DYNC1H1: variants seen among roughly 807,000 people sequenced by gnomAD.
DYNC1H1 encodes the protein dynein cytoplasmic 1 heavy chain 1.
In DYNC1H1, 51 loss-of-function variants were observed where a neutral mutation model predicts 527.1. The observed-to-expected ratio is 0.10, with a 90% CI of 0.08 to 0.12. DYNC1H1 has a LOEUF of 0.12. Among genes scored for constraint, DYNC1H1 ranks in the 10% least tolerant of loss-of-function variants. The pLI, the probability that DYNC1H1 is intolerant of heterozygous loss-of-function variation, is 1.00. For synonymous variants in DYNC1H1, 2,189 were observed against 2,278.8 expected, an observed-to-expected ratio of 0.96 and a Z score of 1.12; for missense variants, 2,771 against 5,971.8, an observed-to-expected ratio of 0.46 and a Z score of 17.66.
rs368005899 is a variant in DYNC1H1 at position 102,043,825 on chromosome 14, G to A, written c.12514-50G>A. 34 of 1,613,448 alleles carry A rather than the reference G, an allele frequency of 2.1e-5. No homozygotes were observed. In the South Asian group the frequency reaches 2.2e-4, roughly 10 times the overall value. On this transcript the variant is annotated intron_variant, in intron 69 of 77. Transcript: ENST00000360184. ...TGACCTGGCATCTGCACTGTTCTTG[G>A]CGAAGTGCTGTTTTCTAATGACTCT...
chr14:102,008,363 A>T (rs2048220996), intron 29 of DYNC1H1, 26 bp downstream of exon 29: 3 of 1,613,430 alleles, frequency 1.9e-6, no homozygotes, highest in Non-Finnish European at 2.5e-6. Flanking sequence ...TTCAAAAATT[A>T]CTTAGAGAAT....
chr14:101,984,397 A>ATGTG (rs1277013282), intron 7 of DYNC1H1, among the ~76,000 whole-genome samples: 218 of 89,980 alleles, frequency 2.4e-3, no homozygotes, highest in Non-Finnish European at 3.6e-3. Context: ...ATATATGCGT[A>ATGTG]TATATGTGTG....
At chr14:102,006,256 T>G (rs1326533490) in intron 27 of DYNC1H1, 86 bp downstream of exon 27, 3 of 1,573,738 alleles carry the variant, frequency 1.9e-6, no homozygotes, top group Non-Finnish European at 2.6e-6. Flanking sequence ...TACTTCTTTT[T>G]GAGATGGAGT....
chr14:101,996,496 G>A (rs375423754), intron 15 of DYNC1H1, among the ~76,000 whole-genome samples: 5 of 152,100 alleles, frequency 3.3e-5, no homozygotes, highest in African/African-American at 9.7e-5. Context: ...TATCCTGTCC[G>A]GGGCCATCCG....
At position 101,983,317 on chromosome 14, in the gene DYNC1H1, A is replaced by G. The variant is rs139695222; in HGVS notation, c.1233+27A>G. 1.3e-4 allele frequency: 210 copies of G among 1,614,224 alleles called. No individual in the cohort carries two copies. Among genetic ancestry groups the G allele is most frequent in the Middle Eastern group, 1.2e-3 (7 of 6,062 alleles). Reference sequence around the variant, plus strand: ...TAAGTTTGAATATATAAGACAACCAACCTCAAGACATTGAGATGAAAATAT... The same window carrying G: ...TAAGTTTGAATATATAAGACAACCAGCCTCAAGACATTGAGATGAAAATAT... On this transcript the variant is annotated intron_variant, in intron 6 of 77. Coordinates refer to ENST00000360184, the MANE Select transcript of DYNC1H1 (RefSeq NM_001376.5). The surrounding 1 kb of genome is among the most constrained non-coding windows in gnomAD (Gnocchi z 5.3).
Position 102,041,454 on chromosome 14 carries a change from C to T in DYNC1H1, c.11942-120C>T. ...ATGTGGCTGAATTTCCTGATTTGAG[C>T]TGATCCTGAAATGCTGAGCATTTGC... On this transcript the variant is annotated intron_variant, in intron 64 of 77. Coordinates refer to ENST00000360184, the MANE Select transcript of DYNC1H1 (RefSeq NM_001376.5). The surrounding 1 kb of genome is among the most constrained non-coding windows in gnomAD (Gnocchi z 4.5). 1 of 1,523,034 alleles carries T rather than the reference C, an allele frequency of 6.6e-7. No individual in the cohort carries two copies. The highest frequency in any genetic ancestry group is 1.1e-5 in the South Asian group (1 of 88,436). 94.3% of individuals were successfully genotyped at this position (1,523,034 alleles called of 1,614,324 possible).
rs1277092080 is a variant in DYNC1H1 at position 102,015,054 on chromosome 14, A to G, written c.7015-51A>G. On this transcript the variant is annotated intron_variant, in intron 34 of 77. Coordinates refer to ENST00000360184, the MANE Select transcript of DYNC1H1 (RefSeq NM_001376.5). The surrounding 1 kb of genome is among the most constrained non-coding windows in gnomAD (Gnocchi z 6.9). ...TATAGGTAAAAGAATCTTAATGTCC[A>G]GGTTTCTTCCAAACCTATGTCATTA... is the stretch of plus-strand genomic sequence containing the variant. The G allele has an allele frequency of 6.3e-7, 1 of 1,596,860 alleles. No individual in the cohort carries two copies. The highest frequency in any genetic ancestry group is 2.2e-5 in the East Asian group (1 of 44,794).
At position 102,004,500 on chromosome 14, in the gene DYNC1H1, G is replaced by A. The variant is rs1232145899; in HGVS notation, c.4884-18G>A. The stretch of plus-strand genomic sequence containing the variant: ...TGTATATAATATTTTTGCAACTTGA[G>A]TGTTATTTTAATTTTAGGTTCTATT... On this transcript the variant is annotated intron_variant, in intron 23 of 77. Coordinates refer to ENST00000360184, the MANE Select transcript of DYNC1H1 (RefSeq NM_001376.5). 2.5e-6 allele frequency: 4 copies of A among 1,604,252 alleles called. No individual in the cohort carries two copies. The highest frequency in any genetic ancestry group is 2.6e-6 in the Non-Finnish European group (3 of 1,173,976).
intron 1 of DYNC1H1, among the ~76,000 whole-genome samples, chr14:101,970,473 GTTTTTTTTTTTTT>G (rs958653217): frequency 6.1e-5 from 5 of 81,436 alleles, no homozygotes; most frequent in Admixed American, 1.4e-4. Flanking sequence ...GTTTGTTGTT[GTTTTTTTTTTTTT>G]TTTTTTTTTT....
In DYNC1H1 at chr14:102,038,503, G is replaced by A. The variant is rs763516982; in HGVS notation, c.10952G>A (p.Arg3651His). Residue 3651 changes from arginine to histidine, a missense_variant, in exon 58 of 78, where the codon CGT becomes CAT. This residue lies in a region of DYNC1H1 where 283 missense variants were observed against 737.6 expected (regional missense o/e 0.38). Coordinates refer to ENST00000360184, the MANE Select transcript of DYNC1H1 (RefSeq NM_001376.5). This position sits in a 1 kb window ranked among gnomAD's most constrained non-coding sequence, Gnocchi z 7.2. ...CCAGTTTTGAACCCGGTGCTGAACCGTGAAGTGCGGCGAACAGGGGGGAGA... is the reference window on the plus strand; with the variant it reads ...CCAGTTTTGAACCCGGTGCTGAACCATGAAGTGCGGCGAACAGGGGGGAGA... ...YDPVLNPVLN[R>H]EVRRTGGRVL... 5 of 1,614,180 alleles carry A rather than the reference G, an allele frequency of 3.1e-6. No homozygotes were observed. The highest frequency in any genetic ancestry group is 1.1e-5 in the South Asian group (1 of 91,082).
Position 102,047,943 on chromosome 14 carries a change from G to A in DYNC1H1, c.13133G>A (p.Arg4378Gln), listed in dbSNP as rs1567025256. Residue 4378 changes from arginine to glutamine, a missense_variant, in exon 73 of 78, where the codon CGG becomes CAG. Arg to Gln is a conservative substitution (Grantham distance 43). Coordinates refer to ENST00000360184, the MANE Select transcript of DYNC1H1 (RefSeq NM_001376.5). ...STSDGRPAWM[R>Q]TLHTTASNWL... Reference sequence around the variant, plus strand: ...TCCGACGGGCGCCCTGCCTGGATGCGGACACTGCACACCACCGCGTCCAAC... The same window carrying A: ...TCCGACGGGCGCCCTGCCTGGATGCAGACACTGCACACCACCGCGTCCAAC... The A allele has an allele frequency of 3.1e-6, 5 of 1,613,114 alleles. No homozygotes were observed. The highest frequency in any genetic ancestry group is 2.5e-6 in the Non-Finnish European group (3 of 1,180,000).
At chr14:102,003,094 T>G in intron 23 of DYNC1H1, 129 bp downstream of exon 23, 1 of 1,221,142 alleles carries the variant, frequency 8.2e-7, no homozygotes, top group Non-Finnish European at 1.2e-6. Context: ...TAGCCAATAA[T>G]ACATATAATG....
chr14:102,053,743 C>CTG lies in DYNC1H1; in HGVS notation c.*3181_*3182insGT, dbSNP rs2048846918. Reference sequence around the variant, plus strand: ...AGGCGTGAGCCACCACACTCGGCCTCTTTGTTTGTTTTTTTTTTTTTTTGA... The same window carrying CTG: ...AGGCGTGAGCCACCACACTCGGCCTCTGTTTGTTTGTTTTTTTTTTTTTTTGA... On this transcript the variant is annotated 3_prime_UTR_variant, in exon 78 of 78. Transcript: ENST00000360184. The CTG allele has an allele frequency of 2.3e-5, 3 of 128,800 alleles. No individual in the cohort carries two copies. Among genetic ancestry groups the CTG allele is most frequent in the African/African-American group, 1.0e-4 (3 of 28,572 alleles). The allele number at this position is 128,800 out of a possible 1,614,324, so 8.0% of individuals were successfully genotyped here.
intron 1 of DYNC1H1, among the ~76,000 whole-genome samples, chr14:101,967,769 G>C (rs2047684390): frequency 6.6e-6 from 1 of 152,180 alleles, no homozygotes; most frequent in Non-Finnish European, 1.5e-5. Flanking sequence ...TGACGCTGTG[G>C]TGAACTAGGA....
At chr14:102,006,949 A>T in intron 27 of DYNC1H1, 59 bp from the exon 28 acceptor site, 1 of 1,569,184 alleles carries the variant, frequency 6.4e-7, no homozygotes. Flanking sequence ...TTTTAAAGCT[A>T]AAGATATGTT....
chr14:102,006,551 A>G (rs1161997519), intron 27 of DYNC1H1, among the ~76,000 whole-genome samples: 2 of 151,754 alleles, frequency 1.3e-5, no homozygotes, highest in African/African-American at 2.4e-5. Flanking sequence ...CTTCTTAATT[A>G]TGTGGTGTGT....
chr14:102,046,696 G>C (rs563046309), intron 72 of DYNC1H1, among the ~76,000 whole-genome samples: 4 of 152,318 alleles, frequency 2.6e-5, no homozygotes, highest in African/African-American at 9.6e-5. Flanking sequence ...ATTCATGGTC[G>C]GGCTGAAAGC....
Position 101,985,566 on chromosome 14 carries a change from C to T in DYNC1H1, c.1462-121C>T, listed in dbSNP as rs2047927257. 4.9e-6 allele frequency: 5 copies of T among 1,029,752 alleles called. No homozygotes were observed. The highest frequency in any genetic ancestry group is 1.9e-5 in the Admixed American group (1 of 52,490). The allele number at this position is 1,029,752 out of a possible 1,614,324, so 63.8% of individuals were successfully genotyped here. On this transcript the variant is annotated intron_variant, in intron 7 of 77. Transcript: ENST00000360184. This position sits in a 1 kb window ranked among gnomAD's most constrained non-coding sequence, Gnocchi z 5.9. ...GTCTCGAACTCCTGACCTCATGATC[C>T]GCCTGCCTTGGCCTCCCAAAGTGCT...
At chr14:102,046,132 C>T (rs560599023) in intron 72 of DYNC1H1, among the ~76,000 whole-genome samples, 1 of 151,468 alleles carries the variant, frequency 6.6e-6, no homozygotes, top group Admixed American at 6.6e-5. Flanking sequence ...GGCACCACTG[C>T]ACTCCAGCCT....
Sources: gnomAD v4.1 joint callset for allele counts (sites outside exome capture counted in the v4.1 genomes callset) on GRCh38, gnomAD v4.1.1 for gene constraint, gnomAD v4.1.1 regional missense constraint, Gnocchi (gnomAD v3.1) non-coding constraint, MANE v1.5 for transcripts, NCBI Gene and HGNC (gene_info 2026-07-23, HGNC 2026-07-21) for gene names.